Variants in FBN2 observed in about 807,000 individuals in gnomAD.
FBN2 encodes the protein fibrillin 2.
A neutral mutation model predicts 355.6 loss-of-function variants in FBN2; 105 were observed. The ratio of observed to expected loss-of-function variants is 0.30; its 90% CI spans 0.25 to 0.35. FBN2 has a LOEUF of 0.35. FBN2 is among the 10% of genes least tolerant of loss of function. FBN2 has a pLI of 1.00. For missense variants in FBN2, 3,280 were observed against 3,758.7 expected (o/e 0.87, Z 3.33); for synonymous variants, 1,350 against 1,301.2 (o/e 1.04, Z -0.81).
Position 128,487,368 on chromosome 5 carries a change from GGT to G in FBN2, c.629-22449_629-22448del, listed in dbSNP as rs200646293. 5.3e-5 allele frequency among the ~76,000 whole-genome samples: 8 copies of G among 152,082 alleles called. No homozygotes were observed. In the East Asian group the frequency reaches 1.5e-3, roughly 29 times the overall value. On this transcript the variant is annotated intron_variant, in intron 5 of 64. Transcript: ENST00000262464. ...ACAAGCCACAGAGATTTTTACGGTT[GGT>G]TGTTATGATAGCATAACCTAGGCCA...
intron 34 of FBN2, among the ~76,000 whole-genome samples, chr5:128,321,879 C>T (rs1444364990): frequency 1.3e-5 from 2 of 152,160 alleles, no homozygotes; most frequent in East Asian, 3.8e-4. Context: ...CTGTCCTCCA[C>T]AATGGTTGAA....
At chr5:128,387,341 C>T (rs747747557) in intron 11 of FBN2, among the ~76,000 whole-genome samples, 14 of 151,762 alleles carry the variant, frequency 9.2e-5, no homozygotes, top group African/African-American at 2.7e-4. Context: ...TGTTTATTTC[C>T]GTCTTCTCTC....
chr5:128,464,573 A>G, intron 6 of FBN2, 151 bp downstream of exon 6: 1 of 752,372 alleles, frequency 1.3e-6, no homozygotes, highest in South Asian at 1.7e-5. Context: ...TGGCTAAAAG[A>G]TAAACCTTCT....
intron 38 of FBN2, 126 bp downstream of exon 38, chr5:128,311,759 A>G (rs1419939411): frequency 1.4e-6 from 1 of 739,624 alleles, no homozygotes; most frequent in Non-Finnish European, 2.4e-6. Context: ...TTTAGTAATT[A>G]AAGTCCATCT....
chr5:128,530,503 A>T, intron 3 of FBN2, 92 bp downstream of exon 3: 2 of 816,366 alleles, frequency 2.4e-6, no homozygotes, highest in Non-Finnish European at 4.3e-6. Context: ...AAGTAATAAC[A>T]GTTAAAACTC....
At chr5:128,392,604 A>T (rs944452474) in intron 10 of FBN2, among the ~76,000 whole-genome samples, 1 of 152,202 alleles carries the variant, frequency 6.6e-6, no homozygotes, top group Non-Finnish European at 1.5e-5. Context: ...TCTGAAGCCC[A>T]CGGTTTTCAA....
intron 48 of FBN2, among the ~76,000 whole-genome samples, chr5:128,298,149 A>C (rs1038581642): frequency 1.3e-5 from 2 of 151,768 alleles, no homozygotes; most frequent in African/African-American, 4.9e-5. Context: ...TTCTTTAAGA[A>C]TGTTGAATAT....
chr5:128,537,138 C>A (rs917242361), intron 1 of FBN2, among the ~76,000 whole-genome samples: 2 of 152,130 alleles, frequency 1.3e-5, no homozygotes, highest in African/African-American at 4.8e-5. Context: ...GCCCAACCCC[C>A]GGAGAGAGGG....
At chr5:128,473,600 C>T (rs1754934068) in intron 5 of FBN2, among the ~76,000 whole-genome samples, 1 of 152,130 alleles carries the variant, frequency 6.6e-6, no homozygotes, top group Non-Finnish European at 1.5e-5. Context: ...GTTCCTTCAC[C>T]CCAACACATG....
chr5:128,338,985 G>T lies in FBN2; in HGVS notation c.3420C>A (p.Cys1140Ter). 1 of 1,613,970 alleles carries T rather than the reference G, an allele frequency of 6.2e-7. No homozygotes were observed. Among genetic ancestry groups the T allele is most frequent in the Non-Finnish European group, 8.5e-7 (1 of 1,179,858 alleles). The change falls in exon 26 of 65, where the codon TGC becomes TGA. Residue 1140 changes from cysteine (C) to a stop codon, truncating the protein, a stop_gained. Coordinates refer to ENST00000262464, the MANE Select transcript of FBN2 (RefSeq NM_001999.4). LOFTEE classifies it high-confidence loss of function. ...CACTTTCATAGCCTTCGAAGCACTC[G>T]CACTCAAAGCTGCCCGGTGTATTGA... is the stretch of plus-strand genomic sequence containing the variant. Reference protein sequence around the residue: ...ICVNTPGSFECECFEGYESGF... With the variant: ...ICVNTPGSFE
At chr5:128,290,964 G>A in intron 49 of FBN2, 80 bp from the exon 50 acceptor site, 2 of 1,357,984 alleles carry the variant, frequency 1.5e-6, no homozygotes, top group Non-Finnish European at 2.1e-6. Context: ...GTAGAACACG[G>A]GATGCAGACT....
intron 11 of FBN2, among the ~76,000 whole-genome samples, chr5:128,388,544 C>T (rs1163592791): frequency 6.6e-6 from 1 of 152,176 alleles, no homozygotes; most frequent in African/African-American, 2.4e-5. Context: ...GTGGCAAATT[C>T]CTTCAGCATT....
chr5:128,297,548 C>T (rs567968973), intron 48 of FBN2, among the ~76,000 whole-genome samples: 6 of 152,152 alleles, frequency 3.9e-5, no homozygotes, highest in South Asian at 2.1e-4. Context: ...ATATTTAGGA[C>T]AGTTCACTCT....
intron 7 of FBN2, 44 bp downstream of exon 7, chr5:128,446,437 T>G: frequency 6.2e-7 from 1 of 1,606,786 alleles, no homozygotes; most frequent in Non-Finnish European, 8.5e-7. Flanking sequence ...TTTTCTTGCA[T>G]TAAAGTCACA....
intron 7 of FBN2, among the ~76,000 whole-genome samples, chr5:128,443,338 C>G: frequency 6.6e-6 from 1 of 152,134 alleles, no homozygotes; most frequent in Non-Finnish European, 1.5e-5. Context: ...AACTCTGGAC[C>G]CACATTTTAC....
At chr5:128,520,652 C>T (rs1561496101) in intron 4 of FBN2, among the ~76,000 whole-genome samples, 1 of 152,086 alleles carries the variant, frequency 6.6e-6, no homozygotes, top group Non-Finnish European at 1.5e-5. Context: ...TTCTGTTCTG[C>T]TGATGATGGT....
chr5:128,266,978 A>T (rs1193992758), intron 62 of FBN2, among the ~76,000 whole-genome samples: 1 of 101,710 alleles, frequency 9.8e-6, no homozygotes, highest in East Asian at 2.6e-4. Context: ...CTCGCCCCCC[A>T]ACCCCCAACA....
chr5:128,518,197 C>T (rs982878277), intron 5 of FBN2, among the ~76,000 whole-genome samples: 3 of 152,284 alleles, frequency 2.0e-5, no homozygotes, highest in South Asian at 2.1e-4. Context: ...TGCACCGCAA[C>T]TCAGCTCAAC....
At chr5:128,284,717 A>T (rs1005644748) in intron 55 of FBN2, among the ~76,000 whole-genome samples, 1 of 152,150 alleles carries the variant, frequency 6.6e-6, no homozygotes, top group African/African-American at 2.4e-5. Flanking sequence ...AAGTTCTTAA[A>T]GCCTTAGAAT....
Sources: allele counts gnomAD v4.1 joint callset (sites outside exome capture counted in the v4.1 genomes callset), GRCh38; gene constraint gnomAD v4.1.1; transcripts MANE v1.5; gene names NCBI Gene and HGNC (gene_info 2026-07-23, HGNC 2026-07-21).